ROBO2: variants seen among roughly 807,000 people sequenced by gnomAD.
ROBO2 encodes the protein roundabout guidance receptor 2.
ROBO2 carries 53 observed loss-of-function variants against 160.8 expected under a neutral mutation model. The ratio of observed to expected loss-of-function variants is 0.33; its 90% CI spans 0.26 to 0.41. The LOEUF (loss-of-function observed/expected upper bound fraction) is 0.41. ROBO2 is among the 10% of genes least tolerant of loss of function. ROBO2 has a pLI of 1.00. For missense variants in ROBO2, 1,577 were observed against 1,722.4 expected (o/e 0.92, Z 1.49); for synonymous variants, 664 against 611.7 (o/e 1.09, Z -1.26).
rs71104629 is a variant in ROBO2 at position 76,851,741 on chromosome 3, CAAAAAA to C, written c.110-246254_110-246249del. On this transcript the variant is annotated intron_variant, in intron 2 of 26. Transcript: ENST00000487694. ...TGGGCGACAGAGCGAGACTCCGTCT[CAAAAAA>C]AAAAAAAAAAAAAAAAAATATTAAC... Among the ~76,000 whole-genome samples, 496 of 63,244 alleles carry C rather than the reference CAAAAAA, an allele frequency of 7.8e-3. 3 individuals carry two copies. The highest frequency in any genetic ancestry group is 0.013 in the East Asian group (21 of 1,582). 41.5% of individuals were successfully genotyped at this position (63,244 alleles called of 152,430 possible).
intron 2 of ROBO2, among the ~76,000 whole-genome samples, chr3:76,842,737 C>T (rs1164683987): frequency 1.3e-5 from 2 of 152,006 alleles, no homozygotes; most frequent in Non-Finnish European, 2.9e-5. Flanking sequence ...TTCACAGCAG[C>T]TCAGATTATT....
intron 2 of ROBO2, among the ~76,000 whole-genome samples, chr3:76,306,268 C>T (rs1252825130): frequency 1.3e-5 from 2 of 151,588 alleles, no homozygotes. Flanking sequence ...TATTTTTTTT[C>T]AAAAGCTTGG....
At chr3:76,158,604 G>A (rs2072501973) in intron 2 of ROBO2, among the ~76,000 whole-genome samples, 1 of 152,092 alleles carries the variant, frequency 6.6e-6, no homozygotes, top group East Asian at 1.9e-4. Flanking sequence ...GTGGGGTTGG[G>A]GGAGAGAGGT....
intron 2 of ROBO2, among the ~76,000 whole-genome samples, chr3:76,340,085 C>CAAAA (rs5850251): frequency 2.8e-5 from 4 of 144,560 alleles, no homozygotes; most frequent in Middle Eastern, 3.5e-3. Flanking sequence ...GAACCAATTG[C>CAAAA]AAAAAAAAAA....
chr3:76,889,279 A>G (rs1236738643), intron 2 of ROBO2, among the ~76,000 whole-genome samples: 1 of 152,206 alleles, frequency 6.6e-6, no homozygotes, highest in Non-Finnish European at 1.5e-5. Context: ...AGTAACTCAT[A>G]AAAAAGAGAT....
chr3:77,054,784 T>G (rs1192489559), intron 1 of ROBO2, among the ~76,000 whole-genome samples: 1 of 152,108 alleles, frequency 6.6e-6, no homozygotes, highest in Non-Finnish European at 1.5e-5. Context: ...GGCTTCTGAT[T>G]GGTTTTATTT....
At chr3:77,293,121 A>G (rs982699484) in intron 2 of ROBO2, among the ~76,000 whole-genome samples, 5 of 151,386 alleles carry the variant, frequency 3.3e-5, no homozygotes, top group Admixed American at 6.6e-5. Context: ...CTGAGGCTAG[A>G]TCACCCCAGA....
At chr3:76,737,262 T>C (rs1309395684) in intron 2 of ROBO2, among the ~76,000 whole-genome samples, 1 of 152,158 alleles carries the variant, frequency 6.6e-6, no homozygotes, top group African/African-American at 2.4e-5. Flanking sequence ...ACTTCTGTTA[T>C]TTTTATCATC....
At chr3:76,260,403 G>A (rs1318985153) in intron 2 of ROBO2, among the ~76,000 whole-genome samples, 1 of 152,060 alleles carries the variant, frequency 6.6e-6, no homozygotes, top group African/African-American at 2.4e-5. Context: ...ACAATGATCG[G>A]TGATATTACC....
chr3:76,282,798 G>A (rs752200896), intron 2 of ROBO2, among the ~76,000 whole-genome samples: 4 of 151,656 alleles, frequency 2.6e-5, no homozygotes, highest in Non-Finnish European at 4.4e-5. Flanking sequence ...ATTATTTCAC[G>A]TTTCTAACTG....
intron 2 of ROBO2, among the ~76,000 whole-genome samples, chr3:76,878,539 C>T (rs770281385): frequency 1.3e-5 from 2 of 151,984 alleles, no homozygotes; most frequent in Non-Finnish European, 2.9e-5. Context: ...CAAAAACATC[C>T]AGAACATTGC....
chr3:76,259,941 C>G (rs1279820581), intron 2 of ROBO2, among the ~76,000 whole-genome samples: 2 of 152,246 alleles, frequency 1.3e-5, no homozygotes, highest in East Asian at 3.9e-4. Context: ...AACTCATAAG[C>G]AGGGTAAAAC....
At chr3:77,033,249 C>G (rs572269835) in intron 2 of ROBO2, among the ~76,000 whole-genome samples, 1 of 152,186 alleles carries the variant, frequency 6.6e-6, no homozygotes, top group Non-Finnish European at 1.5e-5. Flanking sequence ...ATTACCCCTT[C>G]TCTTTGCAGA....
At chr3:77,580,186 A>C (rs1160158354) in intron 16 of ROBO2, 68 bp downstream of exon 17, 1 of 1,428,270 alleles carries the variant, frequency 7.0e-7, no homozygotes, top group African/African-American at 1.4e-5. Context: ...ATGATTTTGC[A>C]TCAACCTACT....
intron 2 of ROBO2, among the ~76,000 whole-genome samples, chr3:76,198,061 C>T (rs1255201533): frequency 6.6e-6 from 1 of 152,190 alleles, no homozygotes; most frequent in Non-Finnish European, 1.5e-5. Flanking sequence ...ACGGATCCCT[C>T]CTCTAGGCCG....
chr3:76,456,203 T>C (rs1040937044), intron 2 of ROBO2, among the ~76,000 whole-genome samples: 1 of 152,198 alleles, frequency 6.6e-6, no homozygotes. Flanking sequence ...TTATTCACTA[T>C]TAATCTGTTG....
intron 2 of ROBO2, among the ~76,000 whole-genome samples, chr3:76,486,406 T>A (rs1292975639): frequency 1.3e-5 from 2 of 152,184 alleles, no homozygotes; most frequent in Non-Finnish European, 2.9e-5. Context: ...CTGTCGTATG[T>A]ACAACTGACG....
At chr3:76,867,291 G>A (rs2071483452) in intron 2 of ROBO2, among the ~76,000 whole-genome samples, 1 of 152,130 alleles carries the variant, frequency 6.6e-6, no homozygotes, top group Admixed American at 6.5e-5. Flanking sequence ...AAGGAATATA[G>A]GTTAATGGGC....
intron 2 of ROBO2, chr3:76,434,432 A>C (rs1330508429): frequency 6.4e-7 from 1 of 1,559,872 alleles, no homozygotes; most frequent in Non-Finnish European, 8.8e-7. Context: ...CTGGGTGGCT[A>C]TGGCCCCCAA....
Sources: gnomAD v4.1 joint callset for allele counts (sites outside exome capture counted in the v4.1 genomes callset) on GRCh38, gnomAD v4.1.1 for gene constraint, MANE v1.5 for transcripts, NCBI Gene and HGNC (gene_info 2026-07-23, HGNC 2026-07-21) for gene names.